The following TBC1D14 variants were observed in gnomAD, a reference collection of about 807,000 sequenced individuals.
TBC1D14 encodes TBC1 domain family member 14.
TBC1D14 carries 26 observed loss-of-function variants against 79.0 expected under a neutral mutation model. The observed-to-expected ratio is 0.33, with a 90% CI of 0.24 to 0.46. The LOEUF is 0.46. TBC1D14 is among the 20% of genes least tolerant of loss of function. TBC1D14 has a pLI of 1.00. For missense variants in TBC1D14, 769 were observed against 887.6 expected, an observed-to-expected ratio of 0.87 and a Z score of 1.70; for synonymous variants, 394 against 349.9, an observed-to-expected ratio of 1.13 and a Z score of -1.40.
At chr4:6,951,306 A>T (rs1714017331) in intron 2 of TBC1D14, among the ~76,000 whole-genome samples, 1 of 152,036 alleles carries the variant, frequency 6.6e-6, no homozygotes, top group South Asian at 2.1e-4. Flanking sequence ...AAAATAAACA[A>T]CAACAACAAC....
intron 2 of TBC1D14, among the ~76,000 whole-genome samples, chr4:6,945,109 A>C (rs1465989678): frequency 1.3e-5 from 2 of 152,158 alleles, no homozygotes. Flanking sequence ...GGAGGTTTGA[A>C]TCTTCATGGG....
intron 2 of TBC1D14, among the ~76,000 whole-genome samples, chr4:6,949,761 G>A (rs187478942): frequency 2.9e-5 from 4 of 136,720 alleles, no homozygotes; most frequent in Admixed American, 2.2e-4. Context: ...TTTTGTTTTT[G>A]TTTTTTTTTT....
chr4:6,969,358 A>G (rs986974700), intron 3 of TBC1D14, among the ~76,000 whole-genome samples: 1 of 152,020 alleles, frequency 6.6e-6, no homozygotes, highest in African/African-American at 2.4e-5. Context: ...CATGGCACTT[A>G]ATATCACTTA....
intron 12 of TBC1D14, among the ~76,000 whole-genome samples, chr4:7,017,349 C>G (rs1721387168): frequency 6.6e-6 from 1 of 152,122 alleles, no homozygotes; most frequent in African/African-American, 2.4e-5. Context: ...GGCAGAGTGC[C>G]TTGGCCAAGG....
chr4:6,971,978 G>A (rs143847138), intron 3 of TBC1D14, among the ~76,000 whole-genome samples: 113 of 152,370 alleles, frequency 7.4e-4, no homozygotes, highest in African/African-American at 2.6e-3. Context: ...ATGGGAGCAT[G>A]TATTTGGAGA....
intron 1 of TBC1D14, among the ~76,000 whole-genome samples, chr4:6,921,023 A>G (rs1410286454): frequency 6.6e-6 from 1 of 151,960 alleles, no homozygotes; most frequent in East Asian, 1.9e-4. Context: ...CAGGTGATCC[A>G]CCTGCTTCGG....
intron 12 of TBC1D14, among the ~76,000 whole-genome samples, chr4:7,017,439 T>G (rs944556450): frequency 2.6e-5 from 4 of 152,084 alleles, no homozygotes; most frequent in Admixed American, 2.6e-4. Context: ...TCCCTTAGAG[T>G]CCTTTCTAAG....
At chr4:7,018,880 T>C (rs1192085437) in intron 12 of TBC1D14, among the ~76,000 whole-genome samples, 2 of 152,250 alleles carry the variant, frequency 1.3e-5, no homozygotes, top group Admixed American at 1.3e-4. Flanking sequence ...CAGAATTATC[T>C]AGAGGTGTGA....
chr4:7,024,679 C>T (rs556686479), intron 12 of TBC1D14, among the ~76,000 whole-genome samples: 3 of 152,334 alleles, frequency 2.0e-5, no homozygotes, highest in African/African-American at 4.8e-5. Context: ...GGTGGCGCGG[C>T]GTACAGCGGC....
chr4:6,918,797 TTAAC>T (rs775127658), intron 1 of TBC1D14, among the ~76,000 whole-genome samples: 3 of 152,262 alleles, frequency 2.0e-5, no homozygotes, highest in Non-Finnish European at 4.4e-5. Flanking sequence ...AGATTAGCTC[TTAAC>T]TGTGTGCTAA....
At chr4:6,949,203 G>A (rs67998004) in intron 2 of TBC1D14, among the ~76,000 whole-genome samples, 20,261 of 151,942 alleles carry the variant, frequency 0.13, 1,859 homozygotes, top group African/African-American at 0.26. Flanking sequence ...AGCGGCTCAC[G>A]CCTGTAATCC....
At chr4:7,023,482 G>T (rs1469842866) in intron 12 of TBC1D14, among the ~76,000 whole-genome samples, 1 of 152,176 alleles carries the variant, frequency 6.6e-6, no homozygotes, top group Non-Finnish European at 1.5e-5. Context: ...GGAAACAAAA[G>T]ATCTCTTTGT....
chr4:6,944,562 G>A (rs138972038), intron 2 of TBC1D14, among the ~76,000 whole-genome samples: 1 of 152,230 alleles, frequency 6.6e-6, no homozygotes, highest in South Asian at 2.1e-4. Flanking sequence ...GGCAGATGGA[G>A]TTCACTGTTA....
At chr4:6,987,446 G>A in intron 3 of TBC1D14, 2 of 1,173,846 alleles carry the variant, frequency 1.7e-6, no homozygotes, top group East Asian at 3.2e-5. Context: ...CTGCGGCCCC[G>A]CGCAGGTGGA....
intron 2 of TBC1D14, 104 bp from the exon 3 acceptor site, chr4:6,967,200 G>A (rs1715777132): frequency 2.1e-6 from 3 of 1,421,772 alleles, no homozygotes; most frequent in South Asian, 1.3e-5. Context: ...AAAGTACGTG[G>A]TTCTCAGAGG....
At chr4:6,917,064 C>T (rs1053447158) in intron 1 of TBC1D14, among the ~76,000 whole-genome samples, 1 of 152,222 alleles carries the variant, frequency 6.6e-6, no homozygotes, top group African/African-American at 2.4e-5. Flanking sequence ...CTGGTCACTG[C>T]TCAGCTGCTG....
intron 2 of TBC1D14, among the ~76,000 whole-genome samples, chr4:6,933,966 G>A (rs1165154469): frequency 3.3e-5 from 5 of 152,184 alleles, no homozygotes; most frequent in African/African-American, 9.7e-5. Context: ...AGGAGTCAAA[G>A]ATGACTCTGA....
intron 12 of TBC1D14, among the ~76,000 whole-genome samples, chr4:7,022,206 A>G (rs1184889421): frequency 6.6e-6 from 1 of 152,116 alleles, no homozygotes; most frequent in Non-Finnish European, 1.5e-5. Flanking sequence ...AGGGGACAGA[A>G]GTGGCTTAGG....
rs146210174 is a variant in TBC1D14 at position 6,941,770 on chromosome 4, C to T, written c.722+17659C>T. Among the ~76,000 whole-genome samples, 616 of 152,308 alleles carry T rather than the reference C, an allele frequency of 4.0e-3. 5 individuals carry two copies. Among genetic ancestry groups the T allele is most frequent in the African/African-American group, 0.013 (553 of 41,560 alleles). On this transcript the variant is annotated intron_variant, in intron 2 of 13. Coordinates refer to ENST00000409757, the MANE Select transcript of TBC1D14 (RefSeq NM_020773.3). ...GGGGTAAAAGGAGAATGAATTTGCT[C>T]CAGATACGTCAGACCTCCTGTGTTC...
Sources: allele counts gnomAD v4.1 joint callset (sites outside exome capture counted in the v4.1 genomes callset), GRCh38; gene constraint gnomAD v4.1.1; transcripts MANE v1.5; gene names NCBI Gene and HGNC (gene_info 2026-07-23, HGNC 2026-07-21).